CCDC141: variants seen among roughly 807,000 people sequenced by gnomAD.
CCDC141 encodes coiled-coil domain-containing protein 141.
Under a neutral mutation model 181.0 loss-of-function variants are expected in CCDC141, and 168 were observed. The ratio of observed to expected loss-of-function variants is 0.93; its 90% CI spans 0.82 to 1.05. The LOEUF (loss-of-function observed/expected upper bound fraction) is 1.05. Ranked by LOEUF, CCDC141 falls within the 50% of genes least tolerant of loss-of-function variation. CCDC141 has a pLI of 0.00. For synonymous variants in CCDC141, 666 were observed against 642.3 expected, an observed-to-expected ratio of 1.04 and a Z score of -0.56; for missense variants, 1,902 against 1,788.5, an observed-to-expected ratio of 1.06 and a Z score of -1.14.
chr2:178,833,700 T>C lies in CCDC141; in HGVS notation c.*473A>G, dbSNP rs1265213198. 6.4e-6 allele frequency: 1 copy of C among 156,366 alleles called. No homozygotes were observed. Among genetic ancestry groups the C allele is most frequent in the Non-Finnish European group, 1.4e-5 (1 of 70,438 alleles). The allele number at this position is 156,366 out of a possible 1,614,324, so 9.7% of individuals were successfully genotyped here. ...GCATTTCGGTAACAAGATCAAGACA[T>C]GGAAAGCAAAATTAAAGGACAGCTA... is the stretch of plus-strand genomic sequence containing the variant. On this transcript the variant is annotated 3_prime_UTR_variant, in exon 24 of 24. Transcript: ENST00000443758.
At chr2:178,827,868 C>A (rs1288418638), downstream of CCDC141, among the ~76,000 whole-genome samples, 1 of 152,194 alleles carries the variant, frequency 6.6e-6, no homozygotes, top group African/African-American at 2.4e-5. Flanking sequence ...GGCTAGAAAT[C>A]CAAAAGTCCA....
chr2:178,862,866 C>T (rs1474091503), intron 17 of CCDC141, among the ~76,000 whole-genome samples: 5 of 152,116 alleles, frequency 3.3e-5, no homozygotes, highest in African/African-American at 1.2e-4. Flanking sequence ...GAGTTCTTTT[C>T]TAAGGGCTTT....
At chr2:178,988,937 C>T (rs748899194) in intron 2 of CCDC141, among the ~76,000 whole-genome samples, 33 of 152,188 alleles carry the variant, frequency 2.2e-4, no homozygotes, top group Middle Eastern at 3.4e-3. Context: ...ACTAGAAGTA[C>T]TAGATATTCA....
At chr2:179,026,481 A>G (rs1174267276) in intron 2 of CCDC141, among the ~76,000 whole-genome samples, 1 of 152,232 alleles carries the variant, frequency 6.6e-6, no homozygotes, top group Non-Finnish European at 1.5e-5. Flanking sequence ...CCTAGATTTC[A>G]GAGGATGTAT....
intron 5 of CCDC141, among the ~76,000 whole-genome samples, chr2:178,957,350 A>G (rs1421649334): frequency 2.0e-5 from 3 of 152,218 alleles, no homozygotes; most frequent in African/African-American, 7.2e-5. Flanking sequence ...GGTAAGGCCC[A>G]TTGAAACAGC....
Position 178,972,825 on chromosome 2 carries a change from A to G in CCDC141, c.526+2232T>C, listed in dbSNP as rs139354239. Among the ~76,000 whole-genome samples the G allele has an allele frequency of 1.9e-3, 287 of 152,330 alleles. 2 individuals are homozygous for G. The highest frequency in any genetic ancestry group is 6.7e-3 in the African/African-American group (277 of 41,576). ...TTCCAGGGGGCAGAAATATCAACCC[A>G]TTAATCCTGGTTCTAACTTCCGTAG... On this transcript the variant is annotated intron_variant, in intron 4 of 23. Transcript: ENST00000443758.
chr2:179,047,134 G>T, intron 2 of CCDC141, 150 bp downstream of exon 2: 1 of 546,204 alleles, frequency 1.8e-6, no homozygotes, highest in Non-Finnish European at 2.9e-6. Flanking sequence ...GATGCTGTTT[G>T]TTCATAAATA....
intron 2 of CCDC141, among the ~76,000 whole-genome samples, chr2:179,033,524 G>T (rs974221854): frequency 1.3e-5 from 2 of 152,092 alleles, no homozygotes; most frequent in Admixed American, 1.3e-4. Context: ...GAATACAAAA[G>T]TATATTTTTA....
rs1254780780 is a variant in CCDC141, at chr2:179,049,993, G to A, written c.-52C>T. ...TTGGGCAGCCTCTGGACAGTTGTGT[G>A]TCTGCTGGTCATTTCAGAAGGCCAG... On this transcript the variant is annotated 5_prime_UTR_variant, in exon 1 of 24. Coordinates refer to ENST00000443758, the MANE Select transcript of CCDC141 (RefSeq NM_173648.4). 25 of 1,548,504 alleles carry A rather than the reference G, an allele frequency of 1.6e-5. No homozygotes were observed. Among genetic ancestry groups the A allele is most frequent in the Non-Finnish European group, 2.2e-5 (25 of 1,145,714 alleles).
chr2:178,935,668 G>T (rs7564407), intron 6 of CCDC141, among the ~76,000 whole-genome samples: 35,332 of 151,994 alleles, frequency 0.23, 5,481 homozygotes, highest in Non-Finnish European at 0.34. Flanking sequence ...TTGAATGGTA[G>T]TTCTGCTTTT....
At chr2:178,899,457 G>C (rs1199906762) in intron 8 of CCDC141, among the ~76,000 whole-genome samples, 1 of 151,988 alleles carries the variant, frequency 6.6e-6, no homozygotes, top group Non-Finnish European at 1.5e-5. Context: ...GTGCTCAACT[G>C]GTGGTGCTGT....
chr2:178,913,056 G>A (rs1451131511), intron 7 of CCDC141, among the ~76,000 whole-genome samples: 2 of 152,156 alleles, frequency 1.3e-5, no homozygotes, highest in African/African-American at 4.8e-5. Context: ...CTGTTCCCTG[G>A]CCTCTCATCT....
chr2:178,937,943 TTC>T (rs1193598604), intron 6 of CCDC141, among the ~76,000 whole-genome samples: 2 of 152,116 alleles, frequency 1.3e-5, no homozygotes, highest in Non-Finnish European at 2.9e-5. Context: ...TATTTGGATC[TTC>T]TCTCTTTTCT....
intron 2 of CCDC141, among the ~76,000 whole-genome samples, chr2:179,008,388 C>T (rs1252333040): frequency 6.6e-6 from 1 of 152,168 alleles, no homozygotes; most frequent in Admixed American, 6.5e-5. Flanking sequence ...AACCAACCTG[C>T]TCCCGCAGCA....
At chr2:178,946,324 T>G (rs1388447327) in intron 5 of CCDC141, among the ~76,000 whole-genome samples, 5 of 152,186 alleles carry the variant, frequency 3.3e-5, no homozygotes, top group Non-Finnish European at 7.3e-5. Flanking sequence ...TCAACAGCTA[T>G]AAAATTTATT....
Position 179,049,972 on chromosome 2 carries a change from G to A in CCDC141, c.-31C>T. On this transcript the variant is annotated 5_prime_UTR_variant, in exon 1 of 24. Coordinates refer to ENST00000443758, the MANE Select transcript of CCDC141 (RefSeq NM_173648.4). ...TTTAGAACCAGAGTTTATACTTTGG[G>A]CAGCCTCTGGACAGTTGTGTGTCTG... The A allele has an allele frequency of 1.3e-6, 2 of 1,550,086 alleles. No individual in the cohort carries two copies. The highest frequency in any genetic ancestry group is 1.7e-6 in the Non-Finnish European group (2 of 1,146,686).
At chr2:178,870,563 G>A (rs1686072963) in intron 14 of CCDC141, among the ~76,000 whole-genome samples, 1 of 152,158 alleles carries the variant, frequency 6.6e-6, no homozygotes, top group Admixed American at 6.5e-5. Context: ...AGTCACATTT[G>A]CTGAGAGTTT....
chr2:178,824,248 C>T, the CCDC141 span, among the ~76,000 whole-genome samples: 3 of 152,098 alleles, frequency 2.0e-5, no homozygotes, highest in Admixed American at 1.3e-4. Flanking sequence ...AGATTCTCTA[C>T]GAGATGGTAT....
intron 5 of CCDC141, among the ~76,000 whole-genome samples, chr2:178,960,478 T>C (rs756837852): frequency 1.3e-5 from 2 of 152,156 alleles, no homozygotes; most frequent in Non-Finnish European, 2.9e-5. Context: ...CTCCACATAA[T>C]TTCTCCCTAA....
Sources: gnomAD v4.1 joint callset for allele counts (sites outside exome capture counted in the v4.1 genomes callset) on GRCh38, gnomAD v4.1.1 for gene constraint, MANE v1.5 for transcripts, NCBI Gene and HGNC (gene_info 2026-07-23, HGNC 2026-07-21) for gene names.